The following ANKFN1 variants were observed in gnomAD, a reference collection of about 807,000 sequenced individuals.
ANKFN1 encodes the protein ankyrin repeat and fibronectin type-III domain-containing protein 1.
In ANKFN1, 74 loss-of-function variants were observed where a neutral mutation model predicts 108.7. That is an observed-to-expected ratio of 0.68 (90% CI 0.56 to 0.83). The LOEUF (loss-of-function observed/expected upper bound fraction) is 0.83. Ranked by LOEUF, ANKFN1 falls within the 40% of genes least tolerant of loss-of-function variation. The pLI, the probability that ANKFN1 is intolerant of heterozygous loss-of-function variation, is 0.00. For missense variants in ANKFN1, 1,505 were observed against 1,382.3 expected (o/e 1.09, Z -1.41); for synonymous variants, 547 against 516.2 (o/e 1.06, Z -0.81).
chr17:56,466,207 C>A, intron 14 of ANKFN1, 149 bp from the exon 15 acceptor site: 1 of 659,640 alleles, frequency 1.5e-6, no homozygotes, highest in Non-Finnish European at 2.6e-6. Flanking sequence ...GTCTATGATG[C>A]CATATATTCT....
intron 2 of ANKFN1, among the ~76,000 whole-genome samples, chr17:56,213,522 A>T (rs1405176668): frequency 1.3e-5 from 2 of 152,144 alleles, no homozygotes; most frequent in Non-Finnish European, 2.9e-5. Context: ...CCTCCACCTC[A>T]AGGAAAACAG....
At chr17:56,429,682 A>G (rs1005770927) in intron 8 of ANKFN1, among the ~76,000 whole-genome samples, 2 of 152,186 alleles carry the variant, frequency 1.3e-5, no homozygotes, top group East Asian at 1.9e-4. Context: ...CAAGGTTTCT[A>G]TGTAAGAAAG....
intron 3 of ANKFN1, among the ~76,000 whole-genome samples, chr17:56,259,089 C>G (rs2043435954): frequency 6.6e-6 from 1 of 152,100 alleles, no homozygotes; most frequent in Admixed American, 6.5e-5. Context: ...CACAACAGCT[C>G]TGTCGTATAG....
intron 4 of ANKFN1, among the ~76,000 whole-genome samples, chr17:56,336,303 C>CTCT (rs1318932116): frequency 6.6e-6 from 1 of 152,136 alleles, no homozygotes; most frequent in Non-Finnish European, 1.5e-5. Context: ...GTACCAGCTC[C>CTCT]TCTTTGTACC....
rs570386826 is a variant in ANKFN1 at position 56,179,156 on chromosome 17, C to T, written c.-71+25626C>T. Among the ~76,000 whole-genome samples the T allele has an allele frequency of 5.3e-5, 8 of 152,244 alleles. No individual in the cohort carries two copies. The South Asian group carries it at 1.4e-3, about 28-fold the overall frequency. ...CAAATCCATACCAACTTTATTTTAA[C>T]CAGGCTCTAAAGCATATTTGAACAT... On this transcript the variant is annotated intron_variant, in intron 1 of 20. Transcript: ENST00000682825.
chr17:56,356,974 A>C (rs959932791), intron 6 of ANKFN1, among the ~76,000 whole-genome samples: 1 of 152,198 alleles, frequency 6.6e-6, no homozygotes, highest in Non-Finnish European at 1.5e-5. Flanking sequence ...CCCCCTGTGC[A>C]TAATTAAACC....
intron 1 of ANKFN1, among the ~76,000 whole-genome samples, chr17:56,199,988 T>G (rs1443200722): frequency 6.6e-6 from 1 of 152,206 alleles, no homozygotes; most frequent in Non-Finnish European, 1.5e-5. Context: ...TATAATGATA[T>G]GTTCATTTGC....
At chr17:56,268,657 G>T (rs375161024) in intron 3 of ANKFN1, among the ~76,000 whole-genome samples, 182 of 151,310 alleles carry the variant, frequency 1.2e-3, no homozygotes, top group African/African-American at 4.3e-3. Flanking sequence ...TTTTTTGAAA[G>T]AATAAATAAG....
chr17:56,436,484 T>C (rs1370348492), intron 8 of ANKFN1, among the ~76,000 whole-genome samples: 2 of 152,172 alleles, frequency 1.3e-5, no homozygotes, highest in Non-Finnish European at 2.9e-5. Context: ...GTAAACTACC[T>C]ATATACAACT....
intron 6 of ANKFN1, among the ~76,000 whole-genome samples, chr17:56,358,873 C>G (rs1179809659): frequency 6.6e-6 from 1 of 152,088 alleles, no homozygotes; most frequent in Non-Finnish European, 1.5e-5. Context: ...TATAAAAGCC[C>G]CCAGTCATAA....
At chr17:56,129,117 G>T (rs1169136906) in intron 4 of ANKFN1, among the ~76,000 whole-genome samples, 1 of 152,094 alleles carries the variant, frequency 6.6e-6, no homozygotes, top group African/African-American at 2.4e-5. Context: ...TAATTTTAAG[G>T]CATCATTGGT....
chr17:56,057,116 T>C (rs1337544584), intron 4 of ANKFN1, among the ~76,000 whole-genome samples: 1 of 152,210 alleles, frequency 6.6e-6, no homozygotes, highest in Non-Finnish European at 1.5e-5. Context: ...ACTCCTCATC[T>C]ACTCAAGATT....
intron 4 of ANKFN1, among the ~76,000 whole-genome samples, chr17:56,345,054 C>A (rs1434329948): frequency 2.0e-5 from 3 of 152,044 alleles, no homozygotes; most frequent in Non-Finnish European, 4.4e-5. Flanking sequence ...TGGCCACACC[C>A]ACCGACAGAC....
At chr17:56,195,515 C>T (rs906357151) in intron 1 of ANKFN1, 7 of 152,170 alleles carry the variant, frequency 4.6e-5, no homozygotes, top group Admixed American at 3.9e-4. Context: ...TGCCTTATTT[C>T]CTCCATGTCA....
intron 4 of ANKFN1, among the ~76,000 whole-genome samples, chr17:56,145,013 TA>T (rs1420945101): frequency 6.6e-6 from 1 of 152,186 alleles, no homozygotes; most frequent in African/African-American, 2.4e-5. Context: ...TACAGATGCT[TA>T]ATCTTTCCCC....
chr17:56,442,825 C>G lies in ANKFN1; in HGVS notation c.1009-18C>G, dbSNP rs898723512. 6.2e-7 allele frequency: 1 copy of G among 1,610,354 alleles called. No individual in the cohort carries two copies. The highest frequency in any genetic ancestry group is 1.3e-5 in the African/African-American group (1 of 74,786). ...TGATTAAATAAAATGCCTGATGCAT[C>G]ATTTCAATACTTTGCAGGGCCAACA... On this transcript the variant is annotated intron_variant, in intron 9 of 20. Coordinates refer to ENST00000682825, the MANE Select transcript of ANKFN1 (RefSeq NM_001370326.1).
intron 14 of ANKFN1, among the ~76,000 whole-genome samples, chr17:56,462,561 T>C (rs913984016): frequency 5.3e-5 from 8 of 152,106 alleles, no homozygotes; most frequent in Admixed American, 1.3e-4. Context: ...ACCATTGCAC[T>C]CCAGCCTGGG....
At chr17:56,182,099 G>A (rs931731317) in intron 1 of ANKFN1, among the ~76,000 whole-genome samples, 4 of 152,154 alleles carry the variant, frequency 2.6e-5, no homozygotes, top group Admixed American at 6.6e-5. Flanking sequence ...TCTGCCATCT[G>A]TCTCCTGTTC....
intron 8 of ANKFN1, among the ~76,000 whole-genome samples, chr17:56,398,370 C>CA (rs1202139315): frequency 6.6e-6 from 1 of 152,088 alleles, no homozygotes; most frequent in Non-Finnish European, 1.5e-5. Context: ...ATTACTACAC[C>CA]AAGTGTAAAG....
Sources: gnomAD v4.1 joint callset for allele counts (sites outside exome capture counted in the v4.1 genomes callset) on GRCh38, gnomAD v4.1.1 for gene constraint, MANE v1.5 for transcripts, NCBI Gene and HGNC (gene_info 2026-07-23, HGNC 2026-07-21) for gene names.